Variants in WIPI2 observed in about 807,000 individuals in gnomAD.
WIPI2 encodes WD repeat domain phosphoinositide-interacting protein 2.
In WIPI2, 28 loss-of-function variants were observed where a neutral mutation model predicts 52.3. The ratio of observed to expected loss-of-function variants is 0.54; its 90% CI spans 0.40 to 0.73. The LOEUF (loss-of-function observed/expected upper bound fraction) is 0.73. WIPI2 is among the 30% of genes least tolerant of loss of function. The pLI is 0.00. For missense variants in WIPI2, 506 were observed against 602.9 expected (o/e 0.84, Z 1.68); for synonymous variants, 268 against 245.0 (o/e 1.09, Z -0.88).
chr7:5,212,904 G>T (rs1583567453), intron 3 of WIPI2, among the ~76,000 whole-genome samples: 1 of 152,206 alleles, frequency 6.6e-6, no homozygotes, highest in Non-Finnish European at 1.5e-5. Flanking sequence ...AGAGGGGACT[G>T]GTCAGAGAAC....
chr7:5,216,095 G>T (rs151152571), intron 4 of WIPI2: 8 of 154,988 alleles, frequency 5.2e-5, no homozygotes, highest in Admixed American at 5.0e-4. Flanking sequence ...AGGTGCATCC[G>T]GCCTGGCTCC....
Position 5,227,359 on chromosome 7 carries a change from C to T in WIPI2, c.1013+15C>T, listed in dbSNP as rs28510502. 27 of 1,609,490 alleles carry T rather than the reference C, an allele frequency of 1.7e-5. No individual in the cohort carries two copies. Among genetic ancestry groups the T allele is most frequent in the East Asian group, 1.6e-4 (7 of 44,870 alleles). The stretch of plus-strand genomic sequence containing the variant: ...TCGCTAGCCACGTGAGTAGAGCCGG[C>T]GCCTCCGTCCCCCACCCCGTGTGCC... On this transcript the variant is annotated intron_variant, in intron 10 of 12. Coordinates refer to ENST00000288828, the MANE Select transcript of WIPI2 (RefSeq NM_015610.4). The surrounding 1 kb of genome is among the most constrained non-coding windows in gnomAD (Gnocchi z 8.1).
intron 7 of WIPI2, 95 bp downstream of exon 7, chr7:5,218,109 T>C: frequency 7.6e-7 from 1 of 1,317,370 alleles, no homozygotes; most frequent in Non-Finnish European, 1.1e-6. Context: ...CAAGGTCCTA[T>C]ACTTACCAGC....
At chr7:5,220,010 A>G (rs1424317907) in intron 7 of WIPI2, among the ~76,000 whole-genome samples, 1 of 150,510 alleles carries the variant, frequency 6.6e-6, no homozygotes. Flanking sequence ...TAATTGTTGT[A>G]CTTTTTGTAG....
At position 5,227,392 on chromosome 7, in the gene WIPI2, G is replaced by T; in HGVS notation, c.1013+48G>T. ...TCCCCCACCCCGTGTGCCTCAGGCC[G>T]AGGGGCCCAGTCCTGGCGGCTTGTG... On this transcript the variant is annotated intron_variant, in intron 10 of 12. Transcript: ENST00000288828. This position sits in a 1 kb window ranked among gnomAD's most constrained non-coding sequence, Gnocchi z 8.1. 1 of 1,597,748 alleles carries T rather than the reference G, an allele frequency of 6.3e-7. No individual in the cohort carries two copies. Among genetic ancestry groups the T allele is most frequent in the Non-Finnish European group, 8.5e-7 (1 of 1,175,012 alleles).
chr7:5,214,640 A>G lies in WIPI2; in HGVS notation c.317A>G (p.Lys106Arg). The change falls in exon 4 of 13, where the codon AAG becomes AGG. Residue 106 changes from lysine (K) to arginine (R), a missense_variant. Around this residue, in one of 4 missense-constraint regions of WIPI2, gnomAD observed 237 missense variants for 346.9 expected, o/e 0.68. Transcript: ENST00000288828. ...PRKLKVCHFKKGTEICNYSYS... is the reference protein window; with the variant it reads ...PRKLKVCHFKRGTEICNYSYS... ...AAGCTAAAGGTTTGCCACTTTAAGAAGGGAACTGAGATCTGCAACTACAGC... is the reference window on the plus strand; with the variant it reads ...AAGCTAAAGGTTTGCCACTTTAAGAGGGGAACTGAGATCTGCAACTACAGC... 1.9e-6 allele frequency: 3 copies of G among 1,614,240 alleles called. No homozygotes were observed. The highest frequency in any genetic ancestry group is 2.5e-6 in the Non-Finnish European group (3 of 1,180,048).
At position 5,233,015 on chromosome 7, in the gene WIPI2, A is replaced by G. The variant is rs1783801935; in HGVS notation, c.*2068A>G. ...CAGAGGAGGCCTCGGACGTCCTGTG[A>G]CCCTCGGCCCACACTCCCCCTTGGG... On this transcript the variant is annotated 3_prime_UTR_variant, in exon 13 of 13. Coordinates refer to ENST00000288828, the MANE Select transcript of WIPI2 (RefSeq NM_015610.4). 2 of 152,032 alleles carry G rather than the reference A, an allele frequency of 1.3e-5. No individual in the cohort carries two copies. The highest frequency in any genetic ancestry group is 2.9e-5 in the Non-Finnish European group (2 of 68,066). The allele number at this position is 152,032 out of a possible 1,614,324, so 9.4% of individuals were successfully genotyped here.
At chr7:5,223,847 G>T (rs981988248) in intron 8 of WIPI2, among the ~76,000 whole-genome samples, 2 of 152,192 alleles carry the variant, frequency 1.3e-5, no homozygotes, top group Admixed American at 1.3e-4. Context: ...ACTCGGCCCT[G>T]CATCCTTCCG....
intron 3 of WIPI2, 167 bp from the exon 4 acceptor site, chr7:5,214,368 C>T: frequency 6.3e-7 from 1 of 1,594,832 alleles, no homozygotes; most frequent in South Asian, 1.1e-5. Flanking sequence ...AATCAAGACC[C>T]TCAGACCCCC....
At chr7:5,214,760 G>T in intron 4 of WIPI2, 56 bp downstream of exon 4, 7 of 1,591,182 alleles carry the variant, frequency 4.4e-6, no homozygotes, top group South Asian at 3.3e-5. Flanking sequence ...CAGCACTCTG[G>T]GACAAGCCCA....
intron 8 of WIPI2, among the ~76,000 whole-genome samples, chr7:5,224,136 C>G (rs1282356842): frequency 6.6e-6 from 1 of 152,264 alleles, no homozygotes; most frequent in Non-Finnish European, 1.5e-5. Flanking sequence ...CAGCCTGATT[C>G]TGTTTCACTG....
intron 3 of WIPI2, among the ~76,000 whole-genome samples, chr7:5,206,707 C>G (rs530926459): frequency 6.6e-6 from 1 of 152,228 alleles, no homozygotes; most frequent in Non-Finnish European, 1.5e-5. Context: ...TAGATTCTTC[C>G]CTTGACATTT....
At chr7:5,213,445 G>T (rs1782658382) in intron 3 of WIPI2, 1 of 152,602 alleles carries the variant, frequency 6.6e-6, no homozygotes, top group South Asian at 2.1e-4. Flanking sequence ...GGTCCTGTGA[G>T]AGGAGCAGGC....
chr7:5,195,111 G>A (rs770126113), intron 2 of WIPI2, among the ~76,000 whole-genome samples: 1 of 152,138 alleles, frequency 6.6e-6, no homozygotes, highest in African/African-American at 2.4e-5. Context: ...TTGAAGGTGG[G>A]GATACTGGCA....
intron 3 of WIPI2, among the ~76,000 whole-genome samples, chr7:5,207,200 C>T (rs1239310042): frequency 2.6e-5 from 4 of 152,158 alleles, no homozygotes; most frequent in Non-Finnish European, 5.9e-5. Flanking sequence ...TGGAATGCAT[C>T]TATCTTGAGT....
chr7:5,229,729 A>T lies in WIPI2; in HGVS notation c.1243A>T (p.Thr415Ser), dbSNP rs750729715. 2 of 1,613,620 alleles carry T rather than the reference A, an allele frequency of 1.2e-6. No individual in the cohort carries two copies. Among genetic ancestry groups the T allele is most frequent in the African/African-American group, 2.7e-5 (2 of 74,890 alleles). The change falls in exon 12 of 13, where the codon ACG becomes TCG. Residue 415 changes from threonine (T) to serine (S), a missense_variant. Coordinates refer to ENST00000288828, the MANE Select transcript of WIPI2 (RefSeq NM_015610.4). Reference sequence around the variant, plus strand: ...AGGTACTTACGTGCCTTCATCCCCAACGAGACTTGGTAAGGGGCGTGACGC... The same window carrying T: ...AGGTACTTACGTGCCTTCATCCCCATCGAGACTTGGTAAGGGGCGTGACGC... ...GKGTYVPSSP[T>S]RLAYTDDLGA...
intron 6 of WIPI2, chr7:5,217,517 A>AAACTCCTGGCCTTAAGCCATCCTCC: frequency 5.1e-6 from 2 of 393,756 alleles, no homozygotes; most frequent in Non-Finnish European, 9.6e-6. Flanking sequence ...GGCTGGCCTC[A>AAACTCCTGGCCTTAAGCCATCCTCC]AACTCCTGGC....
In WIPI2 at chr7:5,233,572, C is replaced by G. The variant is rs962626465; in HGVS notation, c.*2625C>G. 1.3e-5 allele frequency: 2 copies of G among 152,636 alleles called. No individual in the cohort carries two copies. 9.5% of individuals were successfully genotyped at this position (152,636 alleles called of 1,614,324 possible). A position where few individuals can be genotyped will look rare whatever the true frequency, so the allele number is the denominator to read the frequency against. On this transcript the variant is annotated 3_prime_UTR_variant, in exon 13 of 13. Coordinates refer to ENST00000288828, the MANE Select transcript of WIPI2 (RefSeq NM_015610.4). ...ACTCTGGGACCAAACCTTCTGTAAT[C>G]TCTAAAACAATGGGACCAAGAGCTG...
In WIPI2 at chr7:5,211,081, G is replaced by C. The variant is rs549590957; in HGVS notation, c.212-3454G>C. Among the ~76,000 whole-genome samples, 3 of 152,342 alleles carry C rather than the reference G, an allele frequency of 2.0e-5. No homozygotes were observed. The East Asian group carries it at 5.8e-4, about 29-fold the overall frequency. Reference sequence around the variant, plus strand: ...AGCAGACACTCAGTAGCCCTATGTAGACCAGGAAAAGGACAGTTGTTTTCA... The same window carrying C: ...AGCAGACACTCAGTAGCCCTATGTACACCAGGAAAAGGACAGTTGTTTTCA... On this transcript the variant is annotated intron_variant, in intron 3 of 12. Coordinates refer to ENST00000288828, the MANE Select transcript of WIPI2 (RefSeq NM_015610.4).
Sources: gnomAD v4.1 joint callset for allele counts (sites outside exome capture counted in the v4.1 genomes callset) on GRCh38, gnomAD v4.1.1 for gene constraint, gnomAD v4.1.1 regional missense constraint, Gnocchi (gnomAD v3.1) non-coding constraint, MANE v1.5 for transcripts, NCBI Gene and HGNC (gene_info 2026-07-23, HGNC 2026-07-21) for gene names.